Variants in BLVRA observed in about 807,000 individuals in gnomAD.
BLVRA encodes the protein biliverdin reductase A, also known as BVR A.
BLVRA carries 22 observed loss-of-function variants against 32.8 expected under a neutral mutation model. That is an observed-to-expected ratio of 0.67 (90% confidence interval 0.48 to 0.96). The LOEUF is 0.96. Among genes scored for constraint, BLVRA ranks in the 40% least tolerant of loss-of-function variants. The probability of loss-of-function intolerance (pLI) is 0.00; values close to 1 mark genes in which losing one functional copy is unlikely to be tolerated. For synonymous variants in BLVRA, 119 were observed against 141.3 expected (o/e 0.84, Z 1.12); for missense variants, 323 against 358.1 (o/e 0.90, Z 0.79).
At chr7:43,772,419 G>A (rs1369588802) in intron 2 of BLVRA, among the ~76,000 whole-genome samples, 2 of 152,214 alleles carry the variant, frequency 1.3e-5, no homozygotes, top group Admixed American at 1.3e-4. Flanking sequence ...GGACCATAGT[G>A]TGTCTGAGGA....
intron 2 of BLVRA, among the ~76,000 whole-genome samples, chr7:43,775,762 T>C (rs982527331): frequency 8.5e-5 from 13 of 152,246 alleles, no homozygotes; most frequent in Non-Finnish European, 2.9e-5. Flanking sequence ...TGTGAATCCA[T>C]CTCGTCCTGG....
intron 1 of BLVRA, among the ~76,000 whole-genome samples, chr7:43,765,065 A>G (rs1304375583): frequency 6.6e-6 from 1 of 152,220 alleles, no homozygotes; most frequent in East Asian, 1.9e-4. Flanking sequence ...TCAAACTCCA[A>G]GACTGTTTTG....
intron 7 of BLVRA, among the ~76,000 whole-genome samples, chr7:43,806,223 G>T: frequency 6.6e-6 from 1 of 152,004 alleles, no homozygotes; most frequent in East Asian, 1.9e-4. Context: ...TGAGGCAGGA[G>T]AATCGTTTGA....
chr7:43,790,965 G>A (rs933256552), intron 3 of BLVRA, among the ~76,000 whole-genome samples: 4 of 152,138 alleles, frequency 2.6e-5, no homozygotes, highest in Non-Finnish European at 4.4e-5. Context: ...GAGCCACCGC[G>A]CCCAGCTGTT....
chr7:43,775,426 A>G (rs1412580114), intron 2 of BLVRA, among the ~76,000 whole-genome samples: 2 of 152,162 alleles, frequency 1.3e-5, no homozygotes, highest in African/African-American at 4.8e-5. Context: ...GGTTCTGTTT[A>G]TATGCTGGAT....
chr7:43,786,245 A>G (rs1446269764), intron 2 of BLVRA, among the ~76,000 whole-genome samples: 1 of 152,250 alleles, frequency 6.6e-6, no homozygotes, highest in Non-Finnish European at 1.5e-5. Context: ...GATTGTTAAT[A>G]TCAGACAAAA....
At chr7:43,782,503 C>A (rs1230336007) in intron 2 of BLVRA, among the ~76,000 whole-genome samples, 1 of 152,084 alleles carries the variant, frequency 6.6e-6, no homozygotes, top group Non-Finnish European at 1.5e-5. Context: ...TAGCACACAG[C>A]GTGAAGATCC....
intron 5 of BLVRA, among the ~76,000 whole-genome samples, chr7:43,799,355 C>T (rs186908293): frequency 1.3e-5 from 2 of 152,280 alleles, no homozygotes; most frequent in East Asian, 3.9e-4. Flanking sequence ...ACACTTTGTA[C>T]TTAATCACAA....
Position 43,792,704 on chromosome 7 carries a change from G to T in BLVRA, c.255-11G>T, listed in dbSNP as rs187851908. The stretch of plus-strand genomic sequence containing the variant: ...AGTGTTCTTTCTCTGTATTTGTCTC[G>T]TTTACCAAAGGCAGTTCCTTAATGC... On this transcript the variant is annotated splice_polypyrimidine_tract_variant and intron_variant, in intron 4 of 7. Coordinates refer to ENST00000265523, the MANE Select transcript of BLVRA (RefSeq NM_000712.4). 3 of 1,612,562 alleles carry T rather than the reference G, an allele frequency of 1.9e-6. No homozygotes were observed. Among genetic ancestry groups the T allele is most frequent in the Admixed American group, 3.3e-5 (2 of 59,994 alleles).
intron 1 of BLVRA, among the ~76,000 whole-genome samples, chr7:43,763,168 G>A (rs2095744240): frequency 6.6e-6 from 1 of 152,200 alleles, no homozygotes. Context: ...GCTTCAGTGG[G>A]CACCATCCCC....
In BLVRA at chr7:43,778,175, G is replaced by A. The variant is rs555554842; in HGVS notation, c.12+7005G>A. 5.3e-5 allele frequency among the ~76,000 whole-genome samples: 8 copies of A among 152,268 alleles called. No homozygotes were observed. The South Asian group carries it at 8.3e-4, about 16-fold the overall frequency. The stretch of plus-strand genomic sequence containing the variant: ...GCCATTCTCCGTCCAGCTTTGTTCC[G>A]TTGCTGGTGAGGAACTGCATTCCTT... On this transcript the variant is annotated intron_variant, in intron 2 of 7. Coordinates refer to ENST00000265523, the MANE Select transcript of BLVRA (RefSeq NM_000712.4).
At chr7:43,782,628 G>A (rs2095771288) in intron 2 of BLVRA, among the ~76,000 whole-genome samples, 1 of 152,154 alleles carries the variant, frequency 6.6e-6, no homozygotes, top group African/African-American at 2.4e-5. Context: ...TGGAAACCCT[G>A]AGAATGAGGG....
At chr7:43,781,180 C>T (rs1563542177) in intron 2 of BLVRA, among the ~76,000 whole-genome samples, 1 of 150,764 alleles carries the variant, frequency 6.6e-6, no homozygotes, top group African/African-American at 2.4e-5. Flanking sequence ...AAAACTGCCT[C>T]TTTTTTTTTG....
intron 5 of BLVRA, among the ~76,000 whole-genome samples, chr7:43,796,171 T>C (rs1046880079): frequency 6.8e-6 from 1 of 146,330 alleles, no homozygotes; most frequent in Non-Finnish European, 1.5e-5. Context: ...GAGTAAAGAC[T>C]CAAACTAAAG....
chr7:43,791,590 G>A (rs995540156), intron 4 of BLVRA: 10 of 539,638 alleles, frequency 1.9e-5, no homozygotes, highest in Non-Finnish European at 3.0e-5. Context: ...TTTAGTATGT[G>A]TAATTTGAAA....
chr7:43,772,574 AAAGAACTGCCC>A (rs1186128875), intron 2 of BLVRA, among the ~76,000 whole-genome samples: 1 of 152,246 alleles, frequency 6.6e-6, no homozygotes, highest in Non-Finnish European at 1.5e-5. Context: ...ATGCTGCTAT[AAAGAACTGCCC>A]AAGACTGGGT....
At chr7:43,767,319 C>A in intron 1 of BLVRA, 1 of 1,435,804 alleles carries the variant, frequency 7.0e-7, no homozygotes, top group Non-Finnish European at 9.7e-7. Context: ...TGGCGCTGAA[C>A]GCACTGCAGC....
intron 3 of BLVRA, among the ~76,000 whole-genome samples, 184 bp from the exon 4 acceptor site, chr7:43,791,055 CAGATCCCCTG>C (rs1467740990): frequency 5.3e-5 from 8 of 152,200 alleles, no homozygotes; most frequent in Non-Finnish European, 8.8e-5. Context: ...CACTCAATGC[CAGATCCCCTG>C]ACTTGAACTC....
chr7:43,791,230 C>T lies in BLVRA; in HGVS notation c.135-19C>T. 1 of 1,613,936 alleles carries T rather than the reference C, an allele frequency of 6.2e-7. No homozygotes were observed. Among genetic ancestry groups the T allele is most frequent in the Non-Finnish European group, 8.5e-7 (1 of 1,179,966 alleles). ...TTCTGTCTACCATTGAGTTCCATTT[C>T]TCTGTTACTCTGAAATAGAAGGGAG... On this transcript the variant is annotated intron_variant, in intron 3 of 7. Transcript: ENST00000265523.
Sources: allele counts gnomAD v4.1 joint callset (sites outside exome capture counted in the v4.1 genomes callset), GRCh38; gene constraint gnomAD v4.1.1; transcripts MANE v1.5; gene names NCBI Gene and HGNC (gene_info 2026-07-23, HGNC 2026-07-21).